Variants in SAMD3 observed in about 807,000 individuals in gnomAD.
The protein encoded by SAMD3 is sterile alpha motif domain containing 3, also known as sterile alpha motif domain-containing protein 3.
SAMD3 carries 63 observed loss-of-function variants against 58.5 expected under a neutral mutation model. That is an observed-to-expected ratio of 1.08 (90% CI 0.88 to 1.33). SAMD3 has a LOEUF of 1.33. Ranked by LOEUF, SAMD3 falls within the 40% of genes most tolerant of loss-of-function variation. The probability of loss-of-function intolerance (pLI) is 0.00; values close to 1 mark genes in which losing one functional copy is unlikely to be tolerated. For synonymous variants in SAMD3, 220 were observed against 210.3 expected (o/e 1.05, Z -0.40); for missense variants, 604 against 608.4 (o/e 0.99, Z 0.08).
chr6:130,278,207 A>C (rs1325653552), intron 2 of SAMD3, among the ~76,000 whole-genome samples: 1 of 152,198 alleles, frequency 6.6e-6, no homozygotes, highest in Non-Finnish European at 1.5e-5. Flanking sequence ...ATACAGCACA[A>C]GTAGACAGCT....
At chr6:130,191,481 T>TAAA (rs1793535505) in intron 5 of SAMD3, among the ~76,000 whole-genome samples, 1 of 152,104 alleles carries the variant, frequency 6.6e-6, no homozygotes, top group South Asian at 2.1e-4. Flanking sequence ...AGCTATTGAG[T>TAAA]GTTTGGCAGT....
In SAMD3 at chr6:130,144,415, A is replaced by T; in HGVS notation, c.*105T>A. 9.9e-7 allele frequency: 1 copy of T among 1,009,250 alleles called. No individual in the cohort carries two copies. The highest frequency in any genetic ancestry group is 1.5e-6 in the Non-Finnish European group (1 of 689,074). The allele number at this position is 1,009,250 out of a possible 1,614,324, so 62.5% of individuals were successfully genotyped here. On this transcript the variant is annotated 3_prime_UTR_variant, in exon 12 of 12. Transcript: ENST00000439090. ...ATTCATTAGCATCTATAAATACAAG[A>T]TGATTTTCTCATACCTACCTCTACC...
At chr6:130,181,872 T>C (rs900078374) in intron 7 of SAMD3, among the ~76,000 whole-genome samples, 2 of 152,084 alleles carry the variant, frequency 1.3e-5, no homozygotes, top group Non-Finnish European at 2.9e-5. Context: ...AGTTCTATCC[T>C]GGCTAACATG....
intron 2 of SAMD3, among the ~76,000 whole-genome samples, chr6:130,235,982 G>C (rs1400160222): frequency 6.6e-6 from 1 of 152,112 alleles, no homozygotes; most frequent in Admixed American, 6.5e-5. Context: ...AAGCTGCTGG[G>C]TTTTGAACCT....
chr6:130,150,665 A>G (rs1471224195), intron 9 of SAMD3, among the ~76,000 whole-genome samples: 1 of 150,658 alleles, frequency 6.6e-6, no homozygotes, highest in Non-Finnish European at 1.5e-5. Flanking sequence ...GGAGTCTCAG[A>G]TGAATGCTGA....
chr6:130,174,801 A>T (rs1791575408), intron 8 of SAMD3, among the ~76,000 whole-genome samples: 1 of 152,208 alleles, frequency 6.6e-6, no homozygotes, highest in Admixed American at 6.5e-5. Flanking sequence ...ATCTTGACTG[A>T]CCTATTATTT....
chr6:130,258,969 T>C, intron 2 of SAMD3, among the ~76,000 whole-genome samples: 1 of 152,088 alleles, frequency 6.6e-6, no homozygotes, highest in Admixed American at 6.6e-5. Flanking sequence ...GATCTACCAT[T>C]TTATGACTTT....
intron 9 of SAMD3, among the ~76,000 whole-genome samples, chr6:130,146,846 G>A (rs745659768): frequency 1.3e-5 from 2 of 152,070 alleles, no homozygotes; most frequent in Non-Finnish European, 2.9e-5. Context: ...GGCAACATAC[G>A]TGTATAGTCT....
intron 7 of SAMD3, chr6:130,183,559 A>T (rs1453889744): frequency 5.3e-6 from 2 of 378,248 alleles, no homozygotes; most frequent in African/African-American, 4.3e-5. Context: ...TATGTGTCAC[A>T]TCTCCTAAAG....
At chr6:130,208,328 C>T (rs532504675) in intron 5 of SAMD3, among the ~76,000 whole-genome samples, 132 of 152,254 alleles carry the variant, frequency 8.7e-4, no homozygotes, top group Non-Finnish European at 1.7e-3. Flanking sequence ...TATGGATGCA[C>T]GGATTGCCTG....
chr6:130,352,043 T>G (rs1335298476), intron 1 of SAMD3, among the ~76,000 whole-genome samples: 1 of 125,792 alleles, frequency 7.9e-6, no homozygotes, highest in African/African-American at 3.0e-5. Context: ...AAGGGGAACA[T>G]CACACACCAT....
At chr6:130,148,130 T>C (rs1007947472) in intron 9 of SAMD3, among the ~76,000 whole-genome samples, 2 of 152,238 alleles carry the variant, frequency 1.3e-5, no homozygotes, top group African/African-American at 2.4e-5. Context: ...CCATTAATGA[T>C]TCTTGCCTGA....
intron 2 of SAMD3, among the ~76,000 whole-genome samples, chr6:130,253,878 T>G (rs1773833399): frequency 6.6e-6 from 1 of 152,160 alleles, no homozygotes; most frequent in South Asian, 2.1e-4. Context: ...GTATCTTCAT[T>G]GTTAGGGTAT....
At chr6:130,170,150 A>G (rs901699938) in intron 8 of SAMD3, among the ~76,000 whole-genome samples, 1 of 152,212 alleles carries the variant, frequency 6.6e-6, no homozygotes, top group Non-Finnish European at 1.5e-5. Context: ...CATCTAGGTT[A>G]TAAGACCCAC....
intron 1 of SAMD3, among the ~76,000 whole-genome samples, chr6:130,335,572 G>A (rs1037158812): frequency 6.6e-6 from 1 of 152,242 alleles, no homozygotes; most frequent in Non-Finnish European, 1.5e-5. Context: ...GTCAGTAGAT[G>A]ACTATGCTTC....
At chr6:130,227,401 G>A (rs1246428797), upstream of SAMD3, among the ~76,000 whole-genome samples, 1 of 152,042 alleles carries the variant, frequency 6.6e-6, no homozygotes, top group Non-Finnish European at 1.5e-5. Context: ...TCAATCTTTT[G>A]ACTATTTTGA....
intron 2 of SAMD3, among the ~76,000 whole-genome samples, chr6:130,247,206 A>G (rs11970744): frequency 0.03 from 4,639 of 152,260 alleles, 234 homozygotes; most frequent in African/African-American, 0.11. Flanking sequence ...GTGGTGGCTC[A>G]CGCCCGTAAT....
chr6:130,348,040 C>T lies in SAMD3; in HGVS notation c.-304+17080G>A, dbSNP rs868158006. ...ACAAGCAAATGCTGAGAGATTTTGT[C>T]ACCACCAGGCCTGCCTTACAAGAGC... On this transcript the variant is annotated intron_variant, in intron 1 of 13. Transcript: ENST00000368134. Among the ~76,000 whole-genome samples, 6 of 152,262 alleles carry T rather than the reference C, an allele frequency of 3.9e-5. No homozygotes were observed. In the Middle Eastern group the frequency reaches 0.017, roughly 432 times the overall value.
intron 1 of SAMD3, among the ~76,000 whole-genome samples, chr6:130,331,751 A>T (rs1776941576): frequency 6.6e-6 from 1 of 152,220 alleles, no homozygotes; most frequent in Admixed American, 6.5e-5. Flanking sequence ...AGCTTTTACT[A>T]TGTGCCAGCA....
Sources: gnomAD v4.1 joint callset for allele counts (sites outside exome capture counted in the v4.1 genomes callset) on GRCh38, gnomAD v4.1.1 for gene constraint, MANE v1.5 for transcripts, NCBI Gene and HGNC (gene_info 2026-07-23, HGNC 2026-07-21) for gene names.